Variants in XIST observed in about 807,000 individuals in gnomAD.
XIST encodes the protein X inactive specific transcript, also known as X inactive specific transcript (non-protein coding).
At chrX:73,844,928 T>C (rs1205904816) in exon 1 of XIST, 1 of 553,258 alleles carries the variant, frequency 1.8e-6, no homozygotes, top group Non-Finnish European at 3.2e-6. Context: ...GAAAGGAAGA[T>C]TGAGGGTGGG....
At chrX:73,825,451 C>T (rs1211959315) in exon 6 of XIST, 1 of 533,873 alleles carries the variant, frequency 1.9e-6, no homozygotes, top group Non-Finnish European at 3.4e-6. Context: ...TATTTTTTTT[C>T]AGGTCACCTA....
At chrX:73,852,303 A>T (rs1383964531) in exon 1 of XIST, 1 of 542,147 alleles carries the variant, frequency 1.8e-6, no homozygotes, top group Non-Finnish European at 3.3e-6. Flanking sequence ...GGCGAATAAA[A>T]AAGAATTAAA....
exon 1 of XIST, chrX:73,849,608 G>T (rs185167540): frequency 3.6e-6 from 2 of 558,221 alleles, no homozygotes; most frequent in Admixed American, 2.2e-5. Context: ...TAACTTCAAC[G>T]TACCGAGTAA....
At chrX:73,847,349 C>T in exon 1 of XIST, 1 of 521,323 alleles carries the variant, frequency 1.9e-6, no homozygotes, top group East Asian at 3.5e-5. Context: ...GTTAGCACTC[C>T]TGCTGCTTTG....
At chrX:73,846,249 A>G (rs1356040660) in exon 1 of XIST, 1 of 557,685 alleles carries the variant, frequency 1.8e-6, no homozygotes, top group Non-Finnish European at 3.2e-6. Context: ...GTAGGATTTT[A>G]TTCAGATAGG....
chrX:73,820,811 G>A (rs183559905), exon 6 of XIST: 45 of 556,545 alleles, frequency 8.1e-5, no homozygotes, highest in Admixed American at 1.6e-4. Context: ...AAGAGATTCT[G>A]CATTTCACAT....
At chrX:73,842,454 G>C in exon 1 of XIST, 1 of 549,172 alleles carries the variant, frequency 1.8e-6, no homozygotes, top group Non-Finnish European at 3.3e-6. Context: ...AATGGTTCTT[G>C]TCCCCAGAAT....
intron 3 of XIST, among the ~76,000 whole-genome samples, chrX:73,831,977 G>A (rs1459288609): frequency 3.6e-5 from 4 of 111,908 alleles, no homozygotes; most frequent in Admixed American, 9.5e-5. Context: ...ATAATAGGGC[G>A]CCACCAAAGT....
chrX:73,839,543 T>C (rs1365394649), intron 1 of XIST, among the ~76,000 whole-genome samples: 3 of 111,195 alleles, frequency 2.7e-5, no homozygotes, highest in Non-Finnish European at 3.8e-5. Flanking sequence ...AGTCTAAGCA[T>C]TTCTGCCCAA....
At chrX:73,829,183 C>CA (rs1464693990) in exon 5 of XIST, 5 of 556,625 alleles carry the variant, frequency 9.0e-6, no homozygotes, top group Non-Finnish European at 1.6e-5. Flanking sequence ...CAGCTCTCTG[C>CA]ACTGCTTGTA....
chrX:73,828,493 C>T (rs1471854118), intron 5 of XIST: 1 of 114,522 alleles, frequency 8.7e-6, no homozygotes, highest in African/African-American at 3.2e-5. Flanking sequence ...CTCTTAACAT[C>T]CTGTTACAAC....
chrX:73,844,063 A>T, exon 1 of XIST: 1 of 558,825 alleles, frequency 1.8e-6, no homozygotes, highest in Non-Finnish European at 3.2e-6. Context: ...TAACTGTTCA[A>T]ATGTAAAGAT....
exon 1 of XIST, chrX:73,851,175 C>A (rs755215729): frequency 2.3e-5 from 13 of 558,293 alleles, no homozygotes; most frequent in Non-Finnish European, 3.9e-5. Flanking sequence ...CACCTTTTCT[C>A]CCGCTCTGCG....
At chrX:73,840,147 A>AT (rs923994524) in intron 1 of XIST, among the ~76,000 whole-genome samples, 6 of 111,616 alleles carry the variant, frequency 5.4e-5, no homozygotes, top group African/African-American at 9.7e-5. Context: ...CTCAAAACAC[A>AT]TTTTTTTAGG....
chrX:73,847,211 AG>A lies in XIST; in HGVS notation n.5512del, dbSNP rs751395804. 7.2e-6 allele frequency: 4 copies of A among 556,970 alleles called. No homozygotes were observed. The African/African-American group carries it at 8.9e-5, about 12-fold the overall frequency. 45.9% of individuals were successfully genotyped at this position (556,970 alleles called of 1,213,427 possible). On this transcript the variant is annotated non_coding_transcript_exon_variant, in exon 1 of 6. Coordinates refer to ENST00000429829, the Ensembl canonical transcript of XIST. Reference sequence around the variant, plus strand: ...ATTAACAGTCCAAGAGAGTGAATTCAGGCTAGTTAGAAGCTCCTGCAGTAAT... The same window carrying A: ...ATTAACAGTCCAAGAGAGTGAATTCAGCTAGTTAGAAGCTCCTGCAGTAAT...
intron 1 of XIST, among the ~76,000 whole-genome samples, chrX:73,839,058 T>C (rs752644022): frequency 4.6e-4 from 51 of 111,754 alleles, no homozygotes; most frequent in Non-Finnish European, 7.2e-4. Context: ...CTTTCACATA[T>C]AAGAATATTT....
exon 6 of XIST, chrX:73,826,494 A>G (rs1922256297): frequency 1.8e-6 from 1 of 557,769 alleles, no homozygotes; most frequent in African/African-American, 2.2e-5. Flanking sequence ...CTGGCTCAAG[A>G]CTGGCCCAGG....
chrX:73,844,740 T>C (rs759927596), exon 1 of XIST: 1 of 556,872 alleles, frequency 1.8e-6, no homozygotes, highest in African/African-American at 2.2e-5. Context: ...GCCTTGGTTA[T>C]CAGCACCCCT....
At chrX:73,851,090 C>T (rs371494204) in exon 1 of XIST, 225 of 557,760 alleles carry the variant, frequency 4.0e-4, no homozygotes, top group Non-Finnish European at 6.4e-4. Context: ...CCATCTTCTG[C>T]TCTAATTGGC....
Sources: allele counts gnomAD v4.1 joint callset (sites outside exome capture counted in the v4.1 genomes callset), GRCh38; gene constraint gnomAD v4.1.1; transcripts MANE v1.5; gene names NCBI Gene and HGNC (gene_info 2026-07-23, HGNC 2026-07-21).